PCSK7: variants seen among roughly 807,000 people sequenced by gnomAD.
PCSK7 encodes proprotein convertase subtilisin/kexin type 7.
Under a neutral mutation model 73.3 loss-of-function variants are expected in PCSK7, and 38 were observed. The observed-to-expected ratio is 0.52, with a 90% CI of 0.40 to 0.68. The LOEUF is 0.68. Among genes scored for constraint, PCSK7 ranks in the 30% least tolerant of loss-of-function variants. The pLI is 0.00. For missense variants in PCSK7, 692 were observed against 991.5 expected (o/e 0.70, Z 4.06); for synonymous variants, 296 against 383.8 (o/e 0.77, Z 2.68).
At position 117,206,248 on chromosome 11, in the gene PCSK7, G is replaced by C. The variant is rs1232509309; in HGVS notation, c.2107C>G (p.Pro703Ala). 3 of 1,614,046 alleles carry C rather than the reference G, an allele frequency of 1.9e-6. No homozygotes were observed. In the African/African-American group the frequency reaches 4.0e-5, roughly 22 times the overall value. ...VASNQVCRSGPCHWPHRSRKA... is the reference protein window; with the variant it reads ...VASNQVCRSGACHWPHRSRKA... ...CGGCTCCGATGGGGCCAGTGGCAGG[G>C]TCCACTCCTACAAACTTGATTGGAA... The change falls in exon 17 of 17, where the codon CCC becomes GCC. Residue 703 changes from proline (P) to alanine (A), a missense_variant. Transcript: ENST00000320934.
chr11:117,219,400 CA>C, intron 10 of PCSK7, 190 bp downstream of exon 10: 1 of 648,624 alleles, frequency 1.5e-6, no homozygotes, highest in Non-Finnish European at 2.6e-6. Context: ...CTCCCCTTTG[CA>C]GATAAAATGA....
rs1461448620 is a variant in PCSK7, at chr11:117,223,205, C to T, written c.1155+3G>A. ...GGCCGTGGAGGGCCCGGGAGGCACT[C>T]ACAATGCTCCGAAGCATCTTGTCCC... On this transcript the variant is annotated splice_donor_region_variant and intron_variant, in intron 9 of 16. Coordinates refer to ENST00000320934, the MANE Select transcript of PCSK7 (RefSeq NM_004716.4). 6.3e-7 allele frequency: 1 copy of T among 1,593,734 alleles called. No homozygotes were observed. Among genetic ancestry groups the T allele is most frequent in the Admixed American group, 1.7e-5 (1 of 59,984 alleles).
At chr11:117,222,170 C>T (rs6589606) in intron 9 of PCSK7, 17,037 of 152,206 alleles carry the variant, frequency 0.11, 1,355 homozygotes, top group African/African-American at 0.23. Flanking sequence ...TATGCCCACA[C>T]TATATGGTTG....
chr11:117,225,573 A>G (rs1256989172), intron 6 of PCSK7: 2 of 288,072 alleles, frequency 6.9e-6, no homozygotes, highest in East Asian at 6.7e-5. Flanking sequence ...CAGCACAGCC[A>G]TGCCCTGAAG....
chr11:117,224,712 G>T lies in PCSK7; in HGVS notation c.904C>A (p.Gln302Lys). ...DDGKTVDGPH[Q>K]LGKAALQHGV... ...TGCAGGCCAGTTACCTTTCCAAGCTGATGGGGGCCATCCACTGTCTTCCCA... is the reference window on the plus strand; with the variant it reads ...TGCAGGCCAGTTACCTTTCCAAGCTTATGGGGGCCATCCACTGTCTTCCCA... The change falls in exon 7 of 17, where the codon CAG (glutamine) becomes AAG (lysine). Residue 302 changes from glutamine (Q) to lysine (K), a missense_variant. Transcript: ENST00000320934. 6.2e-7 allele frequency: 1 copy of T among 1,613,394 alleles called. No individual in the cohort carries two copies. The highest frequency in any genetic ancestry group is 8.5e-7 in the Non-Finnish European group (1 of 1,179,362).
rs1434665345 is a variant in PCSK7, at chr11:117,224,431, T to TG, written c.916-216dup. Among the ~76,000 whole-genome samples, 4 of 152,090 alleles carry TG rather than the reference T, an allele frequency of 2.6e-5. No individual in the cohort carries two copies. In the South Asian group the frequency reaches 8.3e-4, roughly 32 times the overall value. ...CAGCTGTGAGTTGAATGATGACTGA[T>TG]GGACACCCTCTGCTTATCAGAGGAC... On this transcript the variant is annotated intron_variant, in intron 7 of 16. Coordinates refer to ENST00000320934, the MANE Select transcript of PCSK7 (RefSeq NM_004716.4).
chr11:117,223,885 T>C, intron 8 of PCSK7, 193 bp downstream of exon 8: 1 of 599,122 alleles, frequency 1.7e-6, no homozygotes, highest in Non-Finnish European at 3.0e-6. Context: ...AGATGATGGC[T>C]TGAAGGTGTT....
At chr11:117,209,306 C>G (rs1395658239) in intron 12 of PCSK7, 5 of 402,112 alleles carry the variant, frequency 1.2e-5, no homozygotes, top group Non-Finnish European at 2.1e-5. Context: ...CAACTTCAAT[C>G]ATTCATTCAT....
rs1197978162 is a variant in PCSK7 at position 117,204,347 on chromosome 11, G to GATC, written c.*1647_*1649dup. On this transcript the variant is annotated 3_prime_UTR_variant, in exon 17 of 17. Transcript: ENST00000320934. ...TGACAGGCTACGGACGACCTCGGCA[G>GATC]ATCATCAGTTAGAGCGGAGAGGGCT... 6 of 1,614,242 alleles carry GATC rather than the reference G, an allele frequency of 3.7e-6. No homozygotes were observed. The Admixed American group carries it at 1.0e-4, about 27-fold the overall frequency.
intron 12 of PCSK7, chr11:117,215,355 C>G (rs1228913408): frequency 3.3e-5 from 3 of 90,142 alleles, no homozygotes; most frequent in African/African-American, 2.0e-4. Context: ...GCCACCATGC[C>G]TGGCTAATTT....
rs895306131 is a variant in PCSK7, at chr11:117,226,016, G to A, written c.775C>T (p.Arg259Trp). 4 of 1,594,728 alleles carry A rather than the reference G, an allele frequency of 2.5e-6. No individual in the cohort carries two copies. Among genetic ancestry groups the A allele is most frequent in the African/African-American group, 1.3e-5 (1 of 74,658 alleles). The stretch of plus-strand genomic sequence containing the variant: ...TCTGTGAGAGGTCCATCCAGTACCC[G>A]GATACCTAGGCAATGAAGGCCACAG... Reference protein sequence around the residue: ...VAYGSRIAGIRVLDGPLTDSM... With the variant: ...VAYGSRIAGIWVLDGPLTDSM... Residue 259 changes from arginine (R) to tryptophan (W), a missense_variant, in exon 6 of 17, where the codon CGG (arginine) becomes TGG (tryptophan). Arg to Trp is a moderately radical substitution (Grantham distance 101). Around this residue, in one of 6 missense-constraint regions of PCSK7, gnomAD observed 574 missense variants for 689.8 expected, o/e 0.83. Transcript: ENST00000320934.
intron 1 of PCSK7, among the ~76,000 whole-genome samples, chr11:117,231,594 C>T (rs1427784075): frequency 1.3e-5 from 2 of 152,196 alleles, no homozygotes; most frequent in East Asian, 3.9e-4. Context: ...CATTTTTATC[C>T]CCCAGGCTTC....
In PCSK7 at chr11:117,205,685, CT is replaced by C. The variant is rs1193529020; in HGVS notation, c.*311del. Reference sequence around the variant, plus strand: ...TATATGTGGGAAGGGGTCCCCCATGCTTGGGGGACCTAGGCAGCTGGCTTGG... The same window carrying C: ...TATATGTGGGAAGGGGTCCCCCATGCTGGGGGACCTAGGCAGCTGGCTTGG... On this transcript the variant is annotated 3_prime_UTR_variant, in exon 17 of 17. Transcript: ENST00000320934. 1.3e-5 allele frequency: 4 copies of C among 299,064 alleles called. No individual in the cohort carries two copies. Among genetic ancestry groups the C allele is most frequent in the African/African-American group, 2.1e-5 (1 of 47,220 alleles). The allele number at this position is 299,064 out of a possible 1,614,324, so 18.5% of individuals were successfully genotyped here.
At chr11:117,225,690 CAAAT>C (rs1392700127) in intron 6 of PCSK7, 2 of 550,542 alleles carry the variant, frequency 3.6e-6, no homozygotes, top group African/African-American at 3.8e-5. Flanking sequence ...GTTTAGAAAA[CAAAT>C]AAATGTGCAC....
rs116981680 is a variant in PCSK7, at chr11:117,229,418, C to A, written c.427G>T (p.Val143Phe). 9.0e-4 allele frequency: 1,452 copies of A among 1,608,972 alleles called. 25 individuals carry two copies. The East Asian group carries it at 0.03, about 33-fold the overall frequency. Residue 143 changes from valine (V) to phenylalanine (F), a missense_variant, in exon 3 of 17, where the codon GTC becomes TTC. Coordinates refer to ENST00000320934, the MANE Select transcript of PCSK7 (RefSeq NM_004716.4). ...GGGTACTTGGGGTCGTTGAAGTGGA[C>A]GCTGCGCTTGGCCCGCCTTAGCAGC... ...QRLLRRAKRS[V>F]HFNDPKYPQQ...
chr11:117,211,590 T>C (rs940515106), intron 12 of PCSK7: 3 of 152,244 alleles, frequency 2.0e-5, no homozygotes, highest in Non-Finnish European at 2.9e-5. Context: ...ACATGTGTGT[T>C]TACATTCTCA....
intron 5 of PCSK7, 61 bp downstream of exon 5, chr11:117,227,096 G>A: frequency 7.4e-7 from 1 of 1,356,798 alleles, no homozygotes; most frequent in Non-Finnish European, 1.0e-6. Context: ...GAGGGGTGCA[G>A]GAAATGAAGA....
intron 9 of PCSK7, 73 bp from the exon 10 acceptor site, chr11:117,219,831 G>C: frequency 8.3e-7 from 1 of 1,200,888 alleles, no homozygotes; most frequent in Admixed American, 2.8e-5. Context: ...TGCACCTATA[G>C]TCCCGGCTAC....
chr11:117,219,967 A>T (rs918749962), intron 9 of PCSK7: 2 of 424,032 alleles, frequency 4.7e-6, no homozygotes, highest in Non-Finnish European at 8.3e-6. Context: ...TTTAAAAAAG[A>T]AGCTAGAGAC....
Sources: gnomAD v4.1 joint callset for allele counts (sites outside exome capture counted in the v4.1 genomes callset) on GRCh38, gnomAD v4.1.1 for gene constraint, gnomAD v4.1.1 regional missense constraint, MANE v1.5 for transcripts, NCBI Gene and HGNC (gene_info 2026-07-23, HGNC 2026-07-21) for gene names.